ARPP21: variants seen among roughly 807,000 people sequenced by gnomAD.
The protein encoded by ARPP21 is cAMP regulated phosphoprotein 21.
A neutral mutation model predicts 113.2 loss-of-function variants in ARPP21; 69 were observed. The ratio of observed to expected loss-of-function variants is 0.61; its 90% CI spans 0.50 to 0.74. The LOEUF (loss-of-function observed/expected upper bound fraction) is 0.74, where lower values mean the gene tolerates loss of function less well. Ranked by LOEUF, ARPP21 falls within the 30% of genes least tolerant of loss-of-function variation. The pLI is 0.00. For synonymous variants in ARPP21, 368 were observed against 375.5 expected, an observed-to-expected ratio of 0.98 and a Z score of 0.23; for missense variants, 1,070 against 1,037.4, an observed-to-expected ratio of 1.03 and a Z score of -0.43.
chr3:35,657,900 C>T lies in ARPP21; in HGVS notation c.-213+17502C>T, dbSNP rs557396631. On this transcript the variant is annotated intron_variant, in intron 1 of 20. Transcript: ENST00000684406. Reference sequence around the variant, plus strand: ...GACCAGTGGTCGTGCATCCACTCTACAGTAACAGGGGCTTCTATAGTTAAT... The same window carrying T: ...GACCAGTGGTCGTGCATCCACTCTATAGTAACAGGGGCTTCTATAGTTAAT... Among the ~76,000 whole-genome samples, 79 of 152,238 alleles carry T rather than the reference C, an allele frequency of 5.2e-4. 1 individual carries two copies. Among genetic ancestry groups the T allele is most frequent in the Admixed American group, 1.2e-3 (19 of 15,278 alleles).
At chr3:35,787,856 T>A (rs1215569320) in intron 19 of ARPP21, among the ~76,000 whole-genome samples, 1 of 152,160 alleles carries the variant, frequency 6.6e-6, no homozygotes, top group Non-Finnish European at 1.5e-5. Context: ...AAAGCAAGGA[T>A]GCCAAAGTCA....
At chr3:35,687,682 G>C (rs2081035185) in intron 5 of ARPP21, 57 bp from the exon 6 acceptor site, 5 of 1,499,374 alleles carry the variant, frequency 3.3e-6, no homozygotes, top group Non-Finnish European at 4.5e-6. Context: ...TGCAAAATGG[G>C]AGCCAGACAG....
At chr3:35,713,163 T>G (rs1018694043) in intron 11 of ARPP21, among the ~76,000 whole-genome samples, 1 of 152,210 alleles carries the variant, frequency 6.6e-6, no homozygotes, top group Non-Finnish European at 1.5e-5. Flanking sequence ...AGAATGCATA[T>G]AAGTGACAGC....
chr3:35,726,072 G>A lies in ARPP21; in HGVS notation c.1226-3231G>A, dbSNP rs556600105. On this transcript the variant is annotated intron_variant, in intron 14 of 20. Coordinates refer to ENST00000684406, the MANE Select transcript of ARPP21 (RefSeq NM_001385562.1). ...GAAGATCAGTTCTCATCTTCAAAAT[G>A]AGGCTGCTGTAAAAGTTAGATTAGA... 1.2e-4 allele frequency among the ~76,000 whole-genome samples: 19 copies of A among 152,312 alleles called. No homozygotes were observed. The South Asian group carries it at 3.7e-3, about 30-fold the overall frequency.
At chr3:35,725,299 A>G (rs2093439736) in intron 14 of ARPP21, among the ~76,000 whole-genome samples, 1 of 152,184 alleles carries the variant, frequency 6.6e-6, no homozygotes, top group Admixed American at 6.5e-5. Context: ...CCTGGATTGT[A>G]AAAGTGGCAA....
chr3:35,659,886 A>G (rs955011241), intron 1 of ARPP21, among the ~76,000 whole-genome samples: 18 of 152,222 alleles, frequency 1.2e-4, no homozygotes, highest in African/African-American at 4.3e-4. Flanking sequence ...AGCTCAGTCA[A>G]AAGACATTGG....
intron 11 of ARPP21, 36 bp downstream of exon 11, chr3:35,709,106 C>T: frequency 7.0e-7 from 1 of 1,418,624 alleles, no homozygotes; most frequent in Non-Finnish European, 1.0e-6. Context: ...TTAGTGCGCT[C>T]CTTCCAACAG....
intron 13 of ARPP21, among the ~76,000 whole-genome samples, chr3:35,721,153 T>C (rs2093028254): frequency 6.6e-6 from 1 of 152,204 alleles, no homozygotes. Context: ...ATTTTTCCAT[T>C]GACAATTATT....
intron 19 of ARPP21, among the ~76,000 whole-genome samples, chr3:35,747,270 G>A (rs190742003): frequency 3.1e-4 from 47 of 150,462 alleles, no homozygotes; most frequent in African/African-American, 1.1e-3. Context: ...CAGGAGAATC[G>A]CTTGAACCTG....
intron 19 of ARPP21, among the ~76,000 whole-genome samples, chr3:35,786,411 A>G (rs1257004214): frequency 6.6e-6 from 1 of 151,924 alleles, no homozygotes; most frequent in Non-Finnish European, 1.5e-5. Flanking sequence ...TTTCCCAGCT[A>G]CTTAGGAGGC....
At chr3:35,714,755 TG>T (rs2092090827) in intron 11 of ARPP21, among the ~76,000 whole-genome samples, 1 of 152,160 alleles carries the variant, frequency 6.6e-6, no homozygotes, top group African/African-American at 2.4e-5. Flanking sequence ...AGAAGAGAAA[TG>T]AATGCTCGGT....
chr3:35,780,996 C>T (rs1314044724), intron 19 of ARPP21, among the ~76,000 whole-genome samples: 1 of 152,006 alleles, frequency 6.6e-6, no homozygotes, highest in African/African-American at 2.4e-5. Context: ...TACTATAGCA[C>T]CCCTCAGTGA....
At chr3:35,686,308 A>T (rs1450668461) in intron 5 of ARPP21, among the ~76,000 whole-genome samples, 1 of 151,776 alleles carries the variant, frequency 6.6e-6, no homozygotes, top group African/African-American at 2.4e-5. Flanking sequence ...CCCAAACTGC[A>T]ATAAATGACT....
intron 9 of ARPP21, among the ~76,000 whole-genome samples, chr3:35,693,110 A>G (rs539139232): frequency 1.3e-5 from 2 of 151,638 alleles, no homozygotes; most frequent in African/African-American, 4.8e-5. Context: ...GGAAGAGTTG[A>G]AAGTAAGTGT....
chr3:35,685,130 G>T (rs2080168153), intron 5 of ARPP21: 2 of 985,332 alleles, frequency 2.0e-6, no homozygotes, highest in African/African-American at 1.7e-5. Flanking sequence ...GCCAGGCAGA[G>T]AAGGACAGCC....
intron 18 of ARPP21, among the ~76,000 whole-genome samples, chr3:35,741,526 G>A (rs955138859): frequency 6.6e-6 from 1 of 152,302 alleles, no homozygotes; most frequent in Non-Finnish European, 1.5e-5. Flanking sequence ...TGTAAAGGTC[G>A]ATTTCATCTG....
At chr3:35,694,737 G>A (rs2149712898) in intron 9 of ARPP21, among the ~76,000 whole-genome samples, 1 of 150,964 alleles carries the variant, frequency 6.6e-6, no homozygotes, top group East Asian at 2.0e-4. Flanking sequence ...GTCCTTTGTT[G>A]TCTGATAAAA....
intron 1 of ARPP21, among the ~76,000 whole-genome samples, chr3:35,668,630 G>T (rs1320853836): frequency 6.6e-6 from 1 of 152,096 alleles, no homozygotes; most frequent in African/African-American, 2.4e-5. Context: ...TTTGCAAATT[G>T]CCAAGATTCA....
intron 1 of ARPP21, among the ~76,000 whole-genome samples, chr3:35,646,665 A>G (rs1343561322): frequency 1.3e-5 from 2 of 152,150 alleles, no homozygotes; most frequent in Non-Finnish European, 2.9e-5. Flanking sequence ...CTGTATTAAA[A>G]TTGCTATTAA....
Sources: allele counts gnomAD v4.1 joint callset (sites outside exome capture counted in the v4.1 genomes callset), GRCh38; gene constraint gnomAD v4.1.1; transcripts MANE v1.5; gene names NCBI Gene and HGNC (gene_info 2026-07-23, HGNC 2026-07-21).